MEIS2: variants seen among roughly 807,000 people sequenced by gnomAD.
MEIS2 encodes the protein homeobox protein Meis2.
In MEIS2, 9 loss-of-function variants were observed where a neutral mutation model predicts 58.6. That is an observed-to-expected ratio of 0.15 (90% CI 0.09 to 0.27). The LOEUF (loss-of-function observed/expected upper bound fraction) is 0.27. MEIS2 is among the 10% of genes least tolerant of loss of function. The probability of loss-of-function intolerance (pLI) is 1.00; values close to 1 mark genes in which losing one functional copy is unlikely to be tolerated. For missense variants in MEIS2, 427 were observed against 635.0 expected (o/e 0.67, Z 3.52); for synonymous variants, 221 against 228.4 (o/e 0.97, Z 0.29).
Position 37,000,345 on chromosome 15 carries a change from C to G in MEIS2, c.900+36469G>C, listed in dbSNP as rs140442734. ...TAAATAGAAAATAAGGTCTTTACAT[C>G]CTAATAAGGACTGGAGGTCTCTTTA... On this transcript the variant is annotated intron_variant, in intron 8 of 11. Coordinates refer to ENST00000561208, the MANE Select transcript of MEIS2 (RefSeq NM_170675.5). Among the ~76,000 whole-genome samples, 170 of 152,122 alleles carry G rather than the reference C, an allele frequency of 1.1e-3. 2 individuals are homozygous for G. The highest frequency in any genetic ancestry group is 3.7e-3 in the African/African-American group (155 of 41,516).
At chr15:37,051,104 T>G (rs776826525) in intron 7 of MEIS2, among the ~76,000 whole-genome samples, 1 of 152,232 alleles carries the variant, frequency 6.6e-6, no homozygotes, top group African/African-American at 2.4e-5. Flanking sequence ...CCCCACTTTG[T>G]ACCCAATGCT....
intron 9 of MEIS2, among the ~76,000 whole-genome samples, chr15:36,926,188 C>G (rs768521916): frequency 6.6e-6 from 1 of 151,276 alleles, no homozygotes; most frequent in Non-Finnish European, 1.5e-5. Flanking sequence ...TCACTCTGTC[C>G]CTACTACAAG....
rs568257311 is a variant in MEIS2 at position 37,076,825 on chromosome 15, G to A, written c.754+6946C>T. On this transcript the variant is annotated intron_variant, in intron 7 of 11. Transcript: ENST00000561208. ...TGCCCCTTAATAAAATCCCAGTTCA[G>A]GCTTATGCAAATGTGACATGTAAGC... Among the ~76,000 whole-genome samples the A allele has an allele frequency of 3.3e-5, 5 of 152,020 alleles. No individual in the cohort carries two copies. In the East Asian group the frequency reaches 9.7e-4, roughly 29 times the overall value.
intron 8 of MEIS2, among the ~76,000 whole-genome samples, chr15:36,963,571 G>T (rs7181468): frequency 0.14 from 20,986 of 151,922 alleles, 1,734 homozygotes; most frequent in African/African-American, 0.24. Context: ...AGGAAGAAAT[G>T]CATAAGCCAC....
chr15:36,965,194 T>C (rs1490491479), intron 8 of MEIS2, among the ~76,000 whole-genome samples: 1 of 152,210 alleles, frequency 6.6e-6, no homozygotes, highest in African/African-American at 2.4e-5. Flanking sequence ...TTCATTCTTA[T>C]TCTTCATATA....
At chr15:36,933,994 A>G (rs1188480739) in intron 9 of MEIS2, among the ~76,000 whole-genome samples, 1 of 152,214 alleles carries the variant, frequency 6.6e-6, no homozygotes. Context: ...TTAATAAAAT[A>G]TTTGTCAGCT....
intron 8 of MEIS2, among the ~76,000 whole-genome samples, chr15:37,033,558 A>G (rs1368626168): frequency 1.3e-5 from 2 of 152,258 alleles, no homozygotes; most frequent in Non-Finnish European, 2.9e-5. Context: ...AAAGAGACTA[A>G]TAATGGAGAA....
chr15:36,996,636 T>G (rs548218248), intron 8 of MEIS2, among the ~76,000 whole-genome samples: 5 of 152,262 alleles, frequency 3.3e-5, no homozygotes, highest in African/African-American at 1.2e-4. Flanking sequence ...TCTTTCTTAG[T>G]AGGTCAAATA....
chr15:37,031,232 A>C (rs1317378905), intron 8 of MEIS2, among the ~76,000 whole-genome samples: 1 of 152,198 alleles, frequency 6.6e-6, no homozygotes, highest in Non-Finnish European at 1.5e-5. Flanking sequence ...TAATGGCTCA[A>C]GATCAAAAAT....
chr15:36,948,625 G>T (rs1384995899), intron 9 of MEIS2, among the ~76,000 whole-genome samples: 1 of 151,956 alleles, frequency 6.6e-6, no homozygotes, highest in African/African-American at 2.4e-5. Flanking sequence ...ATGGACCAAT[G>T]TGTATATATT....
At chr15:36,926,785 GA>G (rs2057766266) in intron 9 of MEIS2, among the ~76,000 whole-genome samples, 1 of 152,132 alleles carries the variant, frequency 6.6e-6, no homozygotes, top group Non-Finnish European at 1.5e-5. Flanking sequence ...TGGCTGATTG[GA>G]AAGGCTGCAT....
intron 10 of MEIS2, among the ~76,000 whole-genome samples, chr15:36,895,543 G>T (rs2290185): frequency 0.18 from 27,643 of 152,132 alleles, 2,555 homozygotes; most frequent in Admixed American, 0.25. Context: ...GACGAAGGCT[G>T]GAGAAGTTAG....
At chr15:37,094,444 C>A in intron 5 of MEIS2, 83 bp downstream of exon 5, 2 of 1,369,364 alleles carry the variant, frequency 1.5e-6, no homozygotes, top group Non-Finnish European at 1.0e-6. Context: ...ATCCCTCACA[C>A]TAGAGGTTTG....
intron 9 of MEIS2, among the ~76,000 whole-genome samples, chr15:36,922,619 CTTT>C (rs59227539): frequency 0.021 from 2,610 of 126,872 alleles, 51 homozygotes; most frequent in African/African-American, 0.065. Flanking sequence ...TTCTTTCTTT[CTTT>C]TTTTTTTTTT....
chr15:36,923,666 AAGAG>A (rs1248327075), intron 9 of MEIS2, among the ~76,000 whole-genome samples: 2 of 152,236 alleles, frequency 1.3e-5, no homozygotes, highest in Non-Finnish European at 2.9e-5. Flanking sequence ...TCTGCAGAGA[AAGAG>A]AGAGAAGAAA....
At chr15:37,019,120 CA>C (rs1207289783) in intron 8 of MEIS2, among the ~76,000 whole-genome samples, 11 of 152,124 alleles carry the variant, frequency 7.2e-5, no homozygotes, top group African/African-American at 2.7e-4. Context: ...GACTGTTTTA[CA>C]TATTCTATTT....
intron 7 of MEIS2, among the ~76,000 whole-genome samples, chr15:37,072,392 A>G (rs1258739004): frequency 6.6e-6 from 1 of 152,050 alleles, no homozygotes; most frequent in African/African-American, 2.4e-5. Context: ...GGAGCTACTT[A>G]TCACCAGGAA....
At chr15:37,057,518 T>C (rs1888594061) in intron 7 of MEIS2, among the ~76,000 whole-genome samples, 1 of 152,258 alleles carries the variant, frequency 6.6e-6, no homozygotes, top group Admixed American at 6.5e-5. Flanking sequence ...GAACAATTCA[T>C]ACAAACTACA....
intron 9 of MEIS2, 61 bp downstream of exon 9, chr15:36,950,263 C>A: frequency 3.7e-6 from 5 of 1,358,586 alleles, no homozygotes; most frequent in Admixed American, 2.0e-5. Context: ...AGAGAGAAAA[C>A]CATTATTTAG....
Sources: gnomAD v4.1 joint callset for allele counts (sites outside exome capture counted in the v4.1 genomes callset) on GRCh38, gnomAD v4.1.1 for gene constraint, MANE v1.5 for transcripts, NCBI Gene and HGNC (gene_info 2026-07-23, HGNC 2026-07-21) for gene names.